STXBP5L: variants seen among roughly 807,000 people sequenced by gnomAD.
STXBP5L encodes the protein syntaxin-binding protein 5-like.
STXBP5L carries 65 observed loss-of-function variants against 144.5 expected under a neutral mutation model. The observed-to-expected ratio is 0.45, with a 90% CI of 0.37 to 0.55. The LOEUF (loss-of-function observed/expected upper bound fraction) is 0.55, where lower values mean the gene tolerates loss of function less well. Ranked by LOEUF, STXBP5L falls within the 20% of genes least tolerant of loss-of-function variation. The probability of loss-of-function intolerance (pLI) is 0.00; values close to 1 mark genes in which losing one functional copy is unlikely to be tolerated. For missense variants in STXBP5L, 1,298 were observed against 1,405.5 expected, an observed-to-expected ratio of 0.92 and a Z score of 1.22; for synonymous variants, 505 against 469.6, an observed-to-expected ratio of 1.08 and a Z score of -0.97.
chr3:121,338,482 A>C (rs954223071), intron 20 of STXBP5L, among the ~76,000 whole-genome samples: 1 of 151,850 alleles, frequency 6.6e-6, no homozygotes. Flanking sequence ...TGTCTCTACT[A>C]AAAATACAAA....
intron 15 of STXBP5L, among the ~76,000 whole-genome samples, chr3:121,251,575 T>C (rs1266818687): frequency 6.6e-6 from 1 of 152,166 alleles, no homozygotes; most frequent in Non-Finnish European, 1.5e-5. Context: ...CAGGAAGATG[T>C]AGGTAACTCT....
At chr3:121,091,975 G>T (rs538417460) in intron 5 of STXBP5L, among the ~76,000 whole-genome samples, 1 of 152,162 alleles carries the variant, frequency 6.6e-6, no homozygotes, top group South Asian at 2.1e-4. Context: ...AAGGGATCCA[G>T]TTTCAGCTTT....
intron 3 of STXBP5L, among the ~76,000 whole-genome samples, chr3:121,031,067 A>G (rs985173611): frequency 2.6e-5 from 4 of 152,136 alleles, no homozygotes; most frequent in Admixed American, 2.6e-4. Flanking sequence ...GCATGTGAGA[A>G]TTACTCAGAG....
At chr3:121,311,763 T>G (rs771407173) in intron 19 of STXBP5L, among the ~76,000 whole-genome samples, 2 of 152,086 alleles carry the variant, frequency 1.3e-5, no homozygotes, top group Non-Finnish European at 2.9e-5. Flanking sequence ...AATGGCCATA[T>G]TGCCCAAGGT....
intron 5 of STXBP5L, among the ~76,000 whole-genome samples, chr3:121,103,149 A>G (rs1013020328): frequency 6.6e-6 from 1 of 151,920 alleles, no homozygotes; most frequent in African/African-American, 2.4e-5. Context: ...TGGAGATTTC[A>G]CAAACAAAAC....
intron 3 of STXBP5L, among the ~76,000 whole-genome samples, chr3:121,039,542 T>G (rs1250768108): frequency 6.6e-6 from 1 of 151,970 alleles, no homozygotes; most frequent in Non-Finnish European, 1.5e-5. Context: ...TGTTCTTTTT[T>G]CCTTTTTGTA....
At chr3:121,024,947 A>G (rs770700857) in intron 3 of STXBP5L, among the ~76,000 whole-genome samples, 1 of 152,214 alleles carries the variant, frequency 6.6e-6, no homozygotes, top group South Asian at 2.1e-4. Flanking sequence ...TTAGAACAGT[A>G]TCATTCTAAT....
chr3:121,305,848 T>A (rs745667071), intron 19 of STXBP5L, among the ~76,000 whole-genome samples: 2 of 152,150 alleles, frequency 1.3e-5, no homozygotes, highest in Non-Finnish European at 2.9e-5. Context: ...AATTTAAAAC[T>A]GTCTTTACTT....
At chr3:121,251,464 A>C (rs902114897) in intron 15 of STXBP5L, among the ~76,000 whole-genome samples, 1 of 152,186 alleles carries the variant, frequency 6.6e-6, no homozygotes, top group African/African-American at 2.4e-5. Flanking sequence ...ATTTTGATGG[A>C]GTTAACATTT....
intron 18 of STXBP5L, among the ~76,000 whole-genome samples, 174 bp from the exon 19 acceptor site, chr3:121,279,631 C>T (rs180293): frequency 2.0e-5 from 3 of 151,594 alleles, no homozygotes; most frequent in Non-Finnish European, 3.0e-5. Flanking sequence ...GCCTATTATA[C>T]GAAGACAGTT....
At chr3:121,298,391 G>T (rs1168252374) in intron 19 of STXBP5L, among the ~76,000 whole-genome samples, 1 of 152,158 alleles carries the variant, frequency 6.6e-6, no homozygotes, top group Non-Finnish European at 1.5e-5. Context: ...AAATATAGGT[G>T]AAAACCTTCA....
At chr3:121,220,180 A>G (rs779279545) in intron 10 of STXBP5L, among the ~76,000 whole-genome samples, 3 of 152,036 alleles carry the variant, frequency 2.0e-5, no homozygotes, top group Admixed American at 1.3e-4. Flanking sequence ...CTCCATCACT[A>G]TAGTTTTGCC....
intron 9 of STXBP5L, among the ~76,000 whole-genome samples, chr3:121,186,062 G>A (rs1318345929): frequency 6.6e-6 from 1 of 152,074 alleles, no homozygotes; most frequent in Non-Finnish European, 1.5e-5. Context: ...TGAAGCAATT[G>A]TGAATGGGAG....
At chr3:121,225,830 T>C (rs1324532220) in intron 11 of STXBP5L, among the ~76,000 whole-genome samples, 1 of 152,194 alleles carries the variant, frequency 6.6e-6, no homozygotes, top group Non-Finnish European at 1.5e-5. Flanking sequence ...TATACAAATG[T>C]TTTCAATAAT....
intron 3 of STXBP5L, among the ~76,000 whole-genome samples, chr3:121,032,138 GC>G (rs1946413679): frequency 6.6e-6 from 1 of 151,960 alleles, no homozygotes; most frequent in Non-Finnish European, 1.5e-5. Context: ...GGCTGAGATG[GC>G]CCAGGAGGAG....
intron 3 of STXBP5L, among the ~76,000 whole-genome samples, chr3:120,993,569 C>G (rs1209609146): frequency 1.3e-5 from 2 of 152,022 alleles, no homozygotes; most frequent in African/African-American, 4.8e-5. Flanking sequence ...GGAGACTGTC[C>G]TTTCCCCATT....
intron 3 of STXBP5L, among the ~76,000 whole-genome samples, chr3:121,008,620 G>T (rs1944532114): frequency 6.6e-6 from 1 of 151,966 alleles, no homozygotes; most frequent in Non-Finnish European, 1.5e-5. Flanking sequence ...TCATGTTTAA[G>T]CTGGTTCCTT....
intron 9 of STXBP5L, among the ~76,000 whole-genome samples, chr3:121,177,039 A>G (rs1292682475): frequency 6.6e-6 from 1 of 151,890 alleles, no homozygotes; most frequent in Non-Finnish European, 1.5e-5. Flanking sequence ...TTCTACTTTT[A>G]AGACAAAGGG....
chr3:120,987,705 T>A (rs534895795), intron 3 of STXBP5L, among the ~76,000 whole-genome samples: 19 of 151,950 alleles, frequency 1.3e-4, no homozygotes, highest in African/African-American at 3.6e-4. Flanking sequence ...TTCCTTTTTT[T>A]AAAAAATAAA....
Sources: gnomAD v4.1 joint callset for allele counts (sites outside exome capture counted in the v4.1 genomes callset) on GRCh38, gnomAD v4.1.1 for gene constraint, MANE v1.5 for transcripts, NCBI Gene and HGNC (gene_info 2026-07-23, HGNC 2026-07-21) for gene names.